Variants in FRMD3 observed in about 807,000 individuals in gnomAD.
The protein encoded by FRMD3 is FERM domain-containing protein 3.
A neutral mutation model predicts 70.2 loss-of-function variants in FRMD3; 33 were observed. That is an observed-to-expected ratio of 0.47 (90% CI 0.36 to 0.63). FRMD3 has a LOEUF of 0.63. FRMD3 is among the 20% of genes least tolerant of loss of function. FRMD3 has a pLI of 0.00. For synonymous variants in FRMD3, 279 were observed against 255.9 expected (o/e 1.09, Z -0.86); for missense variants, 632 against 711.4 (o/e 0.89, Z 1.27).
chr9:83,452,526 G>C (rs1827693969), intron 1 of FRMD3, among the ~76,000 whole-genome samples: 1 of 152,036 alleles, frequency 6.6e-6, no homozygotes, highest in African/African-American at 2.4e-5. Flanking sequence ...CCGTCGCCCA[G>C]GCTGGAGTGC....
At chr9:83,404,106 A>G (rs975118391) in intron 1 of FRMD3, among the ~76,000 whole-genome samples, 11 of 152,064 alleles carry the variant, frequency 7.2e-5, no homozygotes, top group African/African-American at 2.7e-4. Flanking sequence ...AGGCACGCAC[A>G]CAAGAACGAT....
chr9:83,370,533 A>C (rs1824936996), intron 3 of FRMD3, among the ~76,000 whole-genome samples: 1 of 152,194 alleles, frequency 6.6e-6, no homozygotes, highest in African/African-American at 2.4e-5. Context: ...ATACAATTCT[A>C]TTTTCCAGAT....
the FRMD3 span, among the ~76,000 whole-genome samples, chr9:83,560,982 T>C: frequency 6.6e-6 from 1 of 152,220 alleles, no homozygotes; most frequent in South Asian, 2.1e-4. Flanking sequence ...TGAGCCACTA[T>C]ATTTTGAATG....
intron 1 of FRMD3, among the ~76,000 whole-genome samples, chr9:83,504,781 T>C (rs1264334049): frequency 6.6e-6 from 1 of 152,150 alleles, no homozygotes; most frequent in East Asian, 1.9e-4. Flanking sequence ...TTTGTATGAG[T>C]GTTTGCTTAT....
chr9:83,304,545 C>A (rs1835050712), intron 10 of FRMD3, among the ~76,000 whole-genome samples: 1 of 152,224 alleles, frequency 6.6e-6, no homozygotes, highest in African/African-American at 2.4e-5. Context: ...ACCTACCAAG[C>A]ATAACACTGT....
chr9:83,549,688 G>T, the FRMD3 span, among the ~76,000 whole-genome samples: 1 of 151,964 alleles, frequency 6.6e-6, no homozygotes, highest in Non-Finnish European at 1.5e-5. Flanking sequence ...ATTTGCATTT[G>T]TCAAATGATC....
intron 1 of FRMD3, among the ~76,000 whole-genome samples, chr9:83,446,613 C>T (rs1046913177): frequency 1.4e-5 from 2 of 145,326 alleles, no homozygotes; most frequent in Non-Finnish European, 3.0e-5. Flanking sequence ...CGCCACTGCA[C>T]TCCAGCCTGG....
intron 1 of FRMD3, among the ~76,000 whole-genome samples, chr9:83,471,635 G>T (rs1304616166): frequency 6.6e-6 from 1 of 152,186 alleles, no homozygotes; most frequent in Admixed American, 6.5e-5. Context: ...CTGGAAAAGG[G>T]CTAAAAACCA....
chr9:83,345,995 G>A lies in FRMD3; in HGVS notation c.375-2708C>T, dbSNP rs184821386. On this transcript the variant is annotated intron_variant, in intron 4 of 13. Coordinates refer to ENST00000304195, the MANE Select transcript of FRMD3 (RefSeq NM_174938.6). The stretch of plus-strand genomic sequence containing the variant: ...AACAGGGCAGGGCACAGAGGCTCAC[G>A]TCTGTACTCCCAGCATTTGGGAGGC... Among the ~76,000 whole-genome samples the A allele has an allele frequency of 1.3e-4, 20 of 152,142 alleles. No homozygotes were observed. In the East Asian group the frequency reaches 3.5e-3, roughly 27 times the overall value.
At chr9:83,268,733 T>A (rs1833394247) in intron 13 of FRMD3, among the ~76,000 whole-genome samples, 1 of 152,230 alleles carries the variant, frequency 6.6e-6, no homozygotes, top group Non-Finnish European at 1.5e-5. Flanking sequence ...CCATGCACTG[T>A]GGCTGAGGTG....
At chr9:83,389,791 G>A in intron 1 of FRMD3, 83 bp from the exon 2 acceptor site, 2 of 911,764 alleles carry the variant, frequency 2.2e-6, no homozygotes, top group Non-Finnish European at 3.6e-6. Context: ...ACCACCATGG[G>A]TCTATGTTCT....
At chr9:83,507,973 T>C (rs1829243065) in intron 1 of FRMD3, among the ~76,000 whole-genome samples, 1 of 151,900 alleles carries the variant, frequency 6.6e-6, no homozygotes, top group South Asian at 2.1e-4. Context: ...TGCAATAGGT[T>C]TAACACCAGG....
the FRMD3 span, among the ~76,000 whole-genome samples, chr9:83,545,346 G>GTTTT: frequency 8.5e-6 from 1 of 117,296 alleles, no homozygotes; most frequent in African/African-American, 3.0e-5. Flanking sequence ...GAAAAGTGTT[G>GTTTT]TTTTTTTTTG....
At chr9:83,477,295 G>A (rs910052351) in intron 1 of FRMD3, among the ~76,000 whole-genome samples, 5 of 152,270 alleles carry the variant, frequency 3.3e-5, no homozygotes, top group Middle Eastern at 3.4e-3. Context: ...GAAATGATTC[G>A]ACTGAGTAGC....
chr9:83,558,261 CGTGTGT>C, the FRMD3 span, among the ~76,000 whole-genome samples: 1 of 151,242 alleles, frequency 6.6e-6, no homozygotes, highest in Non-Finnish European at 1.5e-5. Flanking sequence ...AACGCATGCA[CGTGTGT>C]GTGTGTGTGT....
chr9:83,317,700 C>A (rs1835639685), intron 6 of FRMD3, among the ~76,000 whole-genome samples: 1 of 152,128 alleles, frequency 6.6e-6, no homozygotes, highest in Non-Finnish European at 1.5e-5. Context: ...CTGACCACTT[C>A]CTTGTCCTTC....
chr9:83,528,690 C>T (rs1206758410), intron 1 of FRMD3, among the ~76,000 whole-genome samples: 1 of 152,052 alleles, frequency 6.6e-6, no homozygotes, highest in African/African-American at 2.4e-5. Context: ...CCAAGCCCAG[C>T]TAATTTTTGT....
At chr9:83,364,948 G>A (rs927680568) in intron 3 of FRMD3, among the ~76,000 whole-genome samples, 2 of 152,140 alleles carry the variant, frequency 1.3e-5, no homozygotes, top group African/African-American at 4.8e-5. Flanking sequence ...ATAATGGATT[G>A]GCGTGGGGAA....
Position 83,248,092 on chromosome 9 carries a change from G to A in FRMD3, c.1620C>T (p.Leu540=). 6.2e-7 allele frequency: 1 copy of A among 1,614,160 alleles called. No individual in the cohort carries two copies. The highest frequency in any genetic ancestry group is 8.5e-7 in the Non-Finnish European group (1 of 1,180,038). ...GGAGGAGGAGCAGGGGAAATACAAA[G>A]AGCAGCAGTCCCAGGCCCACCACAA... The part of the protein sequence containing the change: ...RLLVVGLGLL[L]FVFPLLLLLL... The change falls in exon 14 of 14, where the codon CTC becomes CTT. Residue 540 remains leucine (L), a synonymous_variant. Coordinates refer to ENST00000304195, the MANE Select transcript of FRMD3 (RefSeq NM_174938.6).
Sources: gnomAD v4.1 joint callset for allele counts (sites outside exome capture counted in the v4.1 genomes callset) on GRCh38, gnomAD v4.1.1 for gene constraint, MANE v1.5 for transcripts, NCBI Gene and HGNC (gene_info 2026-07-23, HGNC 2026-07-21) for gene names.